The following OPCML variants were observed in gnomAD, a reference collection of about 807,000 sequenced individuals.
OPCML encodes opioid binding protein/cell adhesion molecule like.
In OPCML, 13 loss-of-function variants were observed where a neutral mutation model predicts 37.8. That is an observed-to-expected ratio of 0.34 (90% confidence interval 0.22 to 0.55). OPCML has a LOEUF of 0.55. OPCML is among the 20% of genes least tolerant of loss of function. OPCML has a pLI of 0.91. For missense variants in OPCML, 341 were observed against 435.6 expected (o/e 0.78, Z 1.93); for synonymous variants, 176 against 168.8 (o/e 1.04, Z -0.33).
chr11:132,621,281 C>T (rs1455793109), intron 3 of OPCML, among the ~76,000 whole-genome samples: 2 of 152,144 alleles, frequency 1.3e-5, no homozygotes, highest in Admixed American at 6.5e-5. Flanking sequence ...TCACTTTATG[C>T]CCCCAAATTC....
intron 1 of OPCML, among the ~76,000 whole-genome samples, chr11:133,498,401 G>A (rs1947830641): frequency 6.6e-6 from 1 of 152,220 alleles, no homozygotes; most frequent in African/African-American, 2.4e-5. Context: ...AGAGACTGAG[G>A]CAGTGAAAGG....
intron 1 of OPCML, among the ~76,000 whole-genome samples, chr11:133,197,856 G>A (rs746634455): frequency 1.3e-5 from 2 of 152,230 alleles, no homozygotes; most frequent in East Asian, 1.9e-4. Flanking sequence ...GTCAAAGAAC[G>A]GGTGAAAAAG....
At chr11:133,308,149 T>A (rs1942973030) in intron 1 of OPCML, among the ~76,000 whole-genome samples, 1 of 152,136 alleles carries the variant, frequency 6.6e-6, no homozygotes, top group Non-Finnish European at 1.5e-5. Context: ...TTTAAGTGAA[T>A]AAACCTGACT....
In OPCML at chr11:132,428,130, GCCT is replaced by G. The variant is rs145955798; in HGVS notation, c.917-7840_917-7838del. On this transcript the variant is annotated intron_variant, in intron 7 of 7. Coordinates refer to ENST00000524381, the MANE Select transcript of OPCML (RefSeq NM_001012393.5). ...ACAGAGAATTGGAATATGTGGTATAGCCTCCTTCAAAAGGGAGATCTGGGATGG... is the reference window on the plus strand; with the variant it reads ...ACAGAGAATTGGAATATGTGGTATAGCCTTCAAAAGGGAGATCTGGGATGG... Among the ~76,000 whole-genome samples, 588 of 152,342 alleles carry G rather than the reference GCCT, an allele frequency of 3.9e-3. 4 individuals are homozygous for G. Among genetic ancestry groups the G allele is most frequent in the African/African-American group, 0.013 (544 of 41,584 alleles).
chr11:132,528,425 T>C (rs2096314480), intron 4 of OPCML, among the ~76,000 whole-genome samples: 1 of 152,246 alleles, frequency 6.6e-6, no homozygotes, highest in South Asian at 2.1e-4. Context: ...CAAGTTTGAC[T>C]TGGGGCAAGT....
At chr11:132,573,998 C>T (rs868764753) in intron 3 of OPCML, among the ~76,000 whole-genome samples, 12 of 151,858 alleles carry the variant, frequency 7.9e-5, no homozygotes, top group Admixed American at 1.3e-4. Context: ...CTAGCTTATC[C>T]GATTAATTGG....
intron 1 of OPCML, among the ~76,000 whole-genome samples, chr11:133,444,214 G>A (rs1209461171): frequency 6.6e-6 from 1 of 152,100 alleles, no homozygotes; most frequent in African/African-American, 2.4e-5. Flanking sequence ...AGCAGAGGAG[G>A]ACGTAGAGAA....
At chr11:133,367,388 G>C (rs138547517) in intron 1 of OPCML, among the ~76,000 whole-genome samples, 1 of 152,196 alleles carries the variant, frequency 6.6e-6, no homozygotes, top group African/African-American at 2.4e-5. Flanking sequence ...AAGGGAGACT[G>C]AGGGCAGAAA....
At chr11:133,049,902 C>G (rs1246562725) in intron 1 of OPCML, among the ~76,000 whole-genome samples, 1 of 152,240 alleles carries the variant, frequency 6.6e-6, no homozygotes, top group Admixed American at 6.5e-5. Context: ...GCCTCTCTAG[C>G]ATGCATGCCT....
chr11:132,425,787 A>T (rs1003563346), intron 7 of OPCML, among the ~76,000 whole-genome samples: 4 of 152,232 alleles, frequency 2.6e-5, no homozygotes, highest in African/African-American at 9.6e-5. Context: ...AGTGGCTGCT[A>T]ACCACAGGTA....
At chr11:132,872,650 T>C (rs771579743) in intron 2 of OPCML, among the ~76,000 whole-genome samples, 10 of 152,174 alleles carry the variant, frequency 6.6e-5, no homozygotes, top group Non-Finnish European at 8.8e-5. Context: ...AGTCCTCCTT[T>C]GGTCAGATGT....
At chr11:132,852,619 AAAG>A (rs1229437181) in intron 2 of OPCML, among the ~76,000 whole-genome samples, 4 of 152,136 alleles carry the variant, frequency 2.6e-5, no homozygotes, top group Non-Finnish European at 2.9e-5. Context: ...GAGAAAAAAA[AAAG>A]AGAGAGAGAA....
intron 1 of OPCML, among the ~76,000 whole-genome samples, chr11:133,095,396 G>A (rs2137060732): frequency 6.9e-6 from 1 of 144,630 alleles, no homozygotes; most frequent in East Asian, 2.1e-4. Context: ...GATAATCTCA[G>A]GTTTGAGTTA....
At chr11:132,910,008 G>A (rs1374868665) in intron 2 of OPCML, among the ~76,000 whole-genome samples, 2 of 152,208 alleles carry the variant, frequency 1.3e-5, no homozygotes, top group Non-Finnish European at 2.9e-5. Context: ...ACTGTGTGGA[G>A]AATTTTTATT....
At chr11:132,442,069 G>T (rs2096037676) in intron 4 of OPCML, among the ~76,000 whole-genome samples, 1 of 152,222 alleles carries the variant, frequency 6.6e-6, no homozygotes, top group Non-Finnish European at 1.5e-5. Context: ...TCCAGGATGA[G>T]CGAGGTGTTG....
At chr11:132,579,117 A>G (rs1384974636) in intron 3 of OPCML, among the ~76,000 whole-genome samples, 3 of 152,210 alleles carry the variant, frequency 2.0e-5, no homozygotes, top group Non-Finnish European at 4.4e-5. Flanking sequence ...GGGGAGGCCT[A>G]TATTAATCAA....
intron 2 of OPCML, among the ~76,000 whole-genome samples, chr11:132,824,911 T>A (rs1359492175): frequency 6.6e-6 from 1 of 152,128 alleles, no homozygotes; most frequent in Non-Finnish European, 1.5e-5. Flanking sequence ...CCCTTCTCTG[T>A]GTCTGGAAGG....
At chr11:132,466,871 C>A (rs1038851942) in intron 4 of OPCML, among the ~76,000 whole-genome samples, 1 of 152,080 alleles carries the variant, frequency 6.6e-6, no homozygotes, top group Non-Finnish European at 1.5e-5. Context: ...ATTATGCATG[C>A]ACTTATGTGT....
intron 3 of OPCML, among the ~76,000 whole-genome samples, chr11:132,638,155 T>C (rs1329079736): frequency 2.1e-5 from 1 of 47,298 alleles, no homozygotes; most frequent in Non-Finnish European, 4.2e-5. Flanking sequence ...AAAGAGCATA[T>C]ATACAGACTA....
Sources: gnomAD v4.1 joint callset for allele counts (sites outside exome capture counted in the v4.1 genomes callset) on GRCh38, gnomAD v4.1.1 for gene constraint, MANE v1.5 for transcripts, NCBI Gene and HGNC (gene_info 2026-07-23, HGNC 2026-07-21) for gene names.